The following RCAN2 variants were observed in gnomAD, a reference collection of about 807,000 sequenced individuals.
RCAN2 encodes the protein calcipressin-2.
A neutral mutation model predicts 23.6 loss-of-function variants in RCAN2; 9 were observed. The ratio of observed to expected loss-of-function variants is 0.38; its 90% CI spans 0.23 to 0.67. The LOEUF (loss-of-function observed/expected upper bound fraction) is 0.67. RCAN2 is among the 30% of genes least tolerant of loss of function. The pLI is 0.51. For synonymous variants in RCAN2, 109 were observed against 115.7 expected, an observed-to-expected ratio of 0.94 and a Z score of 0.37; for missense variants, 273 against 302.3, an observed-to-expected ratio of 0.90 and a Z score of 0.72.
At chr6:46,266,634 G>A (rs1283326470) in intron 2 of RCAN2, among the ~76,000 whole-genome samples, 1 of 152,174 alleles carries the variant, frequency 6.6e-6, no homozygotes, top group African/African-American at 2.4e-5. Flanking sequence ...ACATCCATGA[G>A]AATGAGACCA....
intron 2 of RCAN2, among the ~76,000 whole-genome samples, chr6:46,390,853 T>C (rs1049222312): frequency 6.6e-6 from 1 of 152,228 alleles, no homozygotes; most frequent in Non-Finnish European, 1.5e-5. Flanking sequence ...ACAAAACAGA[T>C]ACAATAATAA....
At chr6:46,344,303 C>T (rs969836166) in intron 2 of RCAN2, among the ~76,000 whole-genome samples, 5 of 152,046 alleles carry the variant, frequency 3.3e-5, no homozygotes, top group African/African-American at 1.2e-4. Flanking sequence ...TTACCTACTG[C>T]ACATCTGACC....
At chr6:46,333,172 A>C (rs1288463918) in intron 2 of RCAN2, among the ~76,000 whole-genome samples, 4 of 151,692 alleles carry the variant, frequency 2.6e-5, no homozygotes, top group Admixed American at 2.6e-4. Flanking sequence ...TTTTCTTGTA[A>C]ATTTGTTTAA....
intron 2 of RCAN2, among the ~76,000 whole-genome samples, chr6:46,444,869 A>C (rs957793048): frequency 6.6e-6 from 1 of 152,054 alleles, no homozygotes; most frequent in Non-Finnish European, 1.5e-5. Flanking sequence ...GCCTCCCTTC[A>C]TGTACTTAGC....
At chr6:46,255,060 T>G (rs1766859881) in intron 2 of RCAN2, among the ~76,000 whole-genome samples, 2 of 152,212 alleles carry the variant, frequency 1.3e-5, no homozygotes, top group South Asian at 4.1e-4. Context: ...TTTATTGTTT[T>G]AAGCCACTCA....
In RCAN2 at chr6:46,223,198, TG is replaced by T; in HGVS notation, c.674del (p.Pro225GlnfsTer27). On this transcript the variant is annotated frameshift_variant, in exon 5 of 5. Transcript: ENST00000371374. LOFTEE classifies it high-confidence loss of function. Reference protein sequence around the residue: ...IEEEEDPKTSPKPKIIQTRRP... With the variant: ...IEEEEDPKTSXKPKIIQTRRP... Reference sequence around the variant, plus strand: ...GCCGAGTTTGGATGATTTTTGGCTTTGGGGAAGTCTTTGGGTCCTCTTCTTC... The same window carrying T: ...GCCGAGTTTGGATGATTTTTGGCTTTGGGAAGTCTTTGGGTCCTCTTCTTC... 1 of 1,613,972 alleles carries T rather than the reference TG, an allele frequency of 6.2e-7. No individual in the cohort carries two copies. Among genetic ancestry groups the T allele is most frequent in the Non-Finnish European group, 8.5e-7 (1 of 1,179,978 alleles).
chr6:46,381,371 G>A (rs921528999), intron 2 of RCAN2, among the ~76,000 whole-genome samples: 4 of 152,210 alleles, frequency 2.6e-5, no homozygotes, highest in Middle Eastern at 3.4e-3. Flanking sequence ...CCTGTGGCTC[G>A]GTTCTCTTAT....
chr6:46,245,956 A>G (rs1177090064), intron 4 of RCAN2, among the ~76,000 whole-genome samples: 1 of 152,226 alleles, frequency 6.6e-6, no homozygotes, highest in Non-Finnish European at 1.5e-5. Flanking sequence ...TAACACAGAA[A>G]AAAATACTTT....
At chr6:46,242,914 C>T (rs1215424288) in intron 4 of RCAN2, among the ~76,000 whole-genome samples, 1 of 152,182 alleles carries the variant, frequency 6.6e-6, no homozygotes, top group African/African-American at 2.4e-5. Flanking sequence ...ATTGAGCATC[C>T]ACTATGTGCC....
chr6:46,292,440 T>TTTTTTTTTTG (rs1762597687), intron 2 of RCAN2, among the ~76,000 whole-genome samples: 1 of 137,382 alleles, frequency 7.3e-6, no homozygotes, highest in Non-Finnish European at 1.5e-5. Flanking sequence ...TTTTTTTTGT[T>TTTTTTTTTTG]TTTTTTTTTG....
At position 46,354,897 on chromosome 6, in the gene RCAN2, ATGTGTGTGTG is replaced by A. The variant is rs6149559; in HGVS notation, c.225+101845_225+101854del. The stretch of plus-strand genomic sequence containing the variant: ...AGACTTCTCAGGAAAAAGATTATAT[ATGTGTGTGTG>A]TGTGTGTGTGTGTGTGTGTGTGTGT... On this transcript the variant is annotated intron_variant, in intron 2 of 4. Coordinates refer to ENST00000371374, the MANE Select transcript of RCAN2 (RefSeq NM_001251974.2). Among the ~76,000 whole-genome samples the A allele has an allele frequency of 2.3e-3, 328 of 144,736 alleles. 1 individual carries two copies. The highest frequency in any genetic ancestry group is 3.6e-3 in the Middle Eastern group (1 of 278). The allele number at this position is 144,736 out of a possible 152,430, so 95.0% of individuals were successfully genotyped here. A position where few individuals can be genotyped will look rare whatever the true frequency, so the allele number is the denominator to read the frequency against.
At chr6:46,384,358 T>C (rs1269532403) in intron 2 of RCAN2, among the ~76,000 whole-genome samples, 1 of 152,222 alleles carries the variant, frequency 6.6e-6, no homozygotes, top group African/African-American at 2.4e-5. Context: ...TATTCAAGCA[T>C]CACATTTCAA....
intron 1 of RCAN2, among the ~76,000 whole-genome samples, chr6:46,477,004 A>G (rs2150444876): frequency 6.6e-6 from 1 of 152,310 alleles, no homozygotes; most frequent in Non-Finnish European, 1.5e-5. Context: ...AAAAAACATA[A>G]AAGAACAGAG....
chr6:46,364,458 T>G (rs1765106309), intron 2 of RCAN2, among the ~76,000 whole-genome samples: 1 of 152,144 alleles, frequency 6.6e-6, no homozygotes, highest in Non-Finnish European at 1.5e-5. Flanking sequence ...TTGCATAATC[T>G]GACATATCTC....
In RCAN2 at chr6:46,306,880, T is replaced by C. The variant is rs117268691; in HGVS notation, c.226-57984A>G. On this transcript the variant is annotated intron_variant, in intron 2 of 4. Coordinates refer to ENST00000371374, the MANE Select transcript of RCAN2 (RefSeq NM_001251974.2). ...TCTTTAGTATATATTACTCCTAGCA[T>C]ACTATATAACTTATCATTTTATCAT... Among the ~76,000 whole-genome samples the C allele has an allele frequency of 5.1e-4, 78 of 152,288 alleles. 1 individual carries two copies. In the East Asian group the frequency reaches 0.013, roughly 25 times the overall value.
At chr6:46,312,891 C>A (rs1221855850) in intron 2 of RCAN2, among the ~76,000 whole-genome samples, 1 of 152,224 alleles carries the variant, frequency 6.6e-6, no homozygotes, top group Non-Finnish European at 1.5e-5. Context: ...AGTCACAGTT[C>A]ACACTCCAGC....
At chr6:46,356,705 C>T (rs574260279) in intron 2 of RCAN2, among the ~76,000 whole-genome samples, 14 of 151,892 alleles carry the variant, frequency 9.2e-5, no homozygotes, top group South Asian at 2.1e-4. Flanking sequence ...GCTCAGAGAA[C>T]GAAGGAAACT....
chr6:46,483,584 A>G (rs1777223529), intron 1 of RCAN2, among the ~76,000 whole-genome samples: 1 of 152,228 alleles, frequency 6.6e-6, no homozygotes, highest in East Asian at 1.9e-4. Context: ...CTGAGTAAGT[A>G]ATTCAACTCA....
intron 2 of RCAN2, among the ~76,000 whole-genome samples, chr6:46,379,693 T>C (rs904453917): frequency 1.3e-5 from 2 of 152,224 alleles, no homozygotes; most frequent in Non-Finnish European, 1.5e-5. Context: ...AGCTCTCTTC[T>C]CTGTTCCTCG....
Sources: gnomAD v4.1 joint callset for allele counts (sites outside exome capture counted in the v4.1 genomes callset) on GRCh38, gnomAD v4.1.1 for gene constraint, MANE v1.5 for transcripts, NCBI Gene and HGNC (gene_info 2026-07-23, HGNC 2026-07-21) for gene names.